The following SPECC1 variants were observed in gnomAD, a reference collection of about 807,000 sequenced individuals.
SPECC1 encodes the protein cytospin-B.
In SPECC1, 62 loss-of-function variants were observed where a neutral mutation model predicts 104.1. The ratio of observed to expected loss-of-function variants is 0.60; its 90% CI spans 0.49 to 0.74. The LOEUF is 0.74. Among genes scored for constraint, SPECC1 ranks in the 30% least tolerant of loss-of-function variants. The pLI, the probability that SPECC1 is intolerant of heterozygous loss-of-function variation, is 0.00. For missense variants in SPECC1, 1,306 were observed against 1,310.5 expected (o/e 1.00, Z 0.05); for synonymous variants, 513 against 501.6 (o/e 1.02, Z -0.30).
chr17:20,299,401 T>G (rs2041485057), intron 13 of SPECC1, among the ~76,000 whole-genome samples: 1 of 151,184 alleles, frequency 6.6e-6, no homozygotes, highest in African/African-American at 2.4e-5. Flanking sequence ...CAAAAAAAAT[T>G]TTTTTTCAAT....
intron 1 of SPECC1, among the ~76,000 whole-genome samples, chr17:20,055,068 C>T (rs1046176604): frequency 2.0e-5 from 3 of 152,128 alleles, no homozygotes; most frequent in Non-Finnish European, 2.9e-5. Flanking sequence ...ACGTTATGTT[C>T]GTTGATTAGT....
At chr17:20,213,663 GTGAGTTGACCCC>G (rs2037304915) in intron 4 of SPECC1, among the ~76,000 whole-genome samples, 1 of 152,184 alleles carries the variant, frequency 6.6e-6, no homozygotes, top group Non-Finnish European at 1.5e-5. Flanking sequence ...GGGAGAGGGG[GTGAGTTGACCCC>G]TGAGTGTATG....
intron 3 of SPECC1, among the ~76,000 whole-genome samples, chr17:20,179,644 C>G (rs1274285647): frequency 6.6e-6 from 1 of 152,134 alleles, no homozygotes; most frequent in Non-Finnish European, 1.5e-5. Context: ...ATTCAGCGAA[C>G]CAGGGCAAAA....
intron 2 of SPECC1, among the ~76,000 whole-genome samples, chr17:20,098,438 C>G (rs7207672): frequency 0.075 from 11,413 of 152,250 alleles, 462 homozygotes; most frequent in Middle Eastern, 0.085. Context: ...CCTTGGAACA[C>G]CTGAGTCATG....
At chr17:20,272,444 G>A (rs772640799) in intron 12 of SPECC1, among the ~76,000 whole-genome samples, 17 of 151,736 alleles carry the variant, frequency 1.1e-4, no homozygotes, top group South Asian at 4.2e-4. Context: ...GTTCAGTATC[G>A]TTGAGTATGT....
intron 4 of SPECC1, among the ~76,000 whole-genome samples, chr17:20,220,705 C>CA (rs1468316184): frequency 6.6e-6 from 1 of 152,030 alleles, no homozygotes; most frequent in African/African-American, 2.4e-5. Context: ...CTGGGACTTC[C>CA]AGTACTGTGT....
chr17:20,194,374 G>A (rs1323955666), intron 3 of SPECC1, among the ~76,000 whole-genome samples: 1 of 152,040 alleles, frequency 6.6e-6, no homozygotes, highest in Non-Finnish European at 1.5e-5. Context: ...TGTGAGGCCA[G>A]TTCCACACAG....
At chr17:20,155,836 G>T (rs1043657928) in intron 3 of SPECC1, 3 of 865,298 alleles carry the variant, frequency 3.5e-6, no homozygotes, top group Non-Finnish European at 1.4e-6. Context: ...TCCCGCCCAC[G>T]GCGCGGGGCC....
At chr17:20,258,336 C>T (rs1046995916) in intron 11 of SPECC1, among the ~76,000 whole-genome samples, 12 of 152,212 alleles carry the variant, frequency 7.9e-5, no homozygotes, top group Non-Finnish European at 1.5e-4. Context: ...GCAAGACCAG[C>T]AGGGTGGTCA....
chr17:20,057,436 A>G (rs1241970070), intron 1 of SPECC1, among the ~76,000 whole-genome samples: 1 of 152,128 alleles, frequency 6.6e-6, no homozygotes, highest in East Asian at 1.9e-4. Context: ...GTGAGACTCC[A>G]TCTCAAAACA....
chr17:20,151,353 C>G (rs750640820), intron 3 of SPECC1, among the ~76,000 whole-genome samples: 1 of 152,220 alleles, frequency 6.6e-6, no homozygotes, highest in Non-Finnish European at 1.5e-5. Flanking sequence ...AAACCTTCAA[C>G]AGTACTGCGT....
Position 20,314,700 on chromosome 17 carries a change from C to CCA in SPECC1, c.*635_*636insCA, listed in dbSNP as rs1555538234. ...AACCCTCCCTTCCCCCCTCCCCCCC[C>CCA]AAAAAAAAACAACAAAACACAAAAA... On this transcript the variant is annotated 3_prime_UTR_variant, in exon 15 of 15. Transcript: ENST00000395527. 0.023 allele frequency: 4,372 copies of CCA among 189,156 alleles called. 215 individuals carry two copies. The highest frequency in any genetic ancestry group is 0.1 in the African/African-American group (3,725 of 37,282). 11.7% of individuals were successfully genotyped at this position (189,156 alleles called of 1,614,324 possible).
At chr17:20,054,627 T>A (rs906997946) in intron 1 of SPECC1, among the ~76,000 whole-genome samples, 1 of 152,164 alleles carries the variant, frequency 6.6e-6, no homozygotes, top group African/African-American at 2.4e-5. Context: ...TCTTTTTTGT[T>A]GTTGTTCTTG....
At chr17:20,216,985 T>C (rs940818857) in intron 4 of SPECC1, among the ~76,000 whole-genome samples, 1 of 151,326 alleles carries the variant, frequency 6.6e-6, no homozygotes, top group Non-Finnish European at 1.5e-5. Flanking sequence ...AGACCCCATG[T>C]CTTAAAAAAA....
At chr17:20,223,903 A>G (rs1307201083) in intron 4 of SPECC1, among the ~76,000 whole-genome samples, 8 of 152,270 alleles carry the variant, frequency 5.3e-5, no homozygotes, top group South Asian at 4.1e-4. Flanking sequence ...GGATGTTCAT[A>G]GATGTCTGGG....
intron 1 of SPECC1, among the ~76,000 whole-genome samples, chr17:20,041,716 C>CA (rs1292902182): frequency 6.8e-6 from 1 of 147,686 alleles, no homozygotes; most frequent in African/African-American, 2.5e-5. Flanking sequence ...CTCCTCTTCC[C>CA]AGGTTCATGC....
At chr17:20,046,522 A>G (rs959607319) in intron 1 of SPECC1, among the ~76,000 whole-genome samples, 2 of 152,170 alleles carry the variant, frequency 1.3e-5, no homozygotes, top group African/African-American at 4.8e-5. Flanking sequence ...GAGTTTATGT[A>G]CTAGAGGGGG....
At chr17:20,229,588 C>A (rs182602986) in intron 5 of SPECC1, among the ~76,000 whole-genome samples, 125 of 152,272 alleles carry the variant, frequency 8.2e-4, no homozygotes, top group African/African-American at 2.9e-3. Flanking sequence ...GTGGGAGGAT[C>A]CCTTGAGCCT....
At chr17:20,122,075 C>T (rs1241412868) in intron 3 of SPECC1, among the ~76,000 whole-genome samples, 1 of 152,116 alleles carries the variant, frequency 6.6e-6, no homozygotes, top group Non-Finnish European at 1.5e-5. Context: ...GGTGGACATT[C>T]CAGGCAGAGA....
Sources: gnomAD v4.1 joint callset for allele counts (sites outside exome capture counted in the v4.1 genomes callset) on GRCh38, gnomAD v4.1.1 for gene constraint, MANE v1.5 for transcripts, NCBI Gene and HGNC (gene_info 2026-07-23, HGNC 2026-07-21) for gene names.